Variants in SIAH3 observed in about 807,000 individuals in gnomAD.
The protein encoded by SIAH3 is seven in absentia homolog 3.
Under a neutral mutation model 12.6 loss-of-function variants are expected in SIAH3, and 9 were observed. The ratio of observed to expected loss-of-function variants is 0.72; its 90% confidence interval spans 0.43 to 1.25. The LOEUF (loss-of-function observed/expected upper bound fraction) is 1.25, where lower values mean the gene tolerates loss of function less well. Among genes scored for constraint, SIAH3 ranks in the 50% most tolerant of loss-of-function variants. The probability of loss-of-function intolerance (pLI) is 0.00; values close to 1 mark genes in which losing one functional copy is unlikely to be tolerated. For synonymous variants in SIAH3, 154 were observed against 151.1 expected (o/e 1.02, Z -0.14); for missense variants, 390 against 365.4 (o/e 1.07, Z -0.55).
chr13:45,785,958 A>G (rs1950526532), intron 1 of SIAH3, among the ~76,000 whole-genome samples: 1 of 152,262 alleles, frequency 6.6e-6, no homozygotes, highest in African/African-American at 2.4e-5. Context: ...AGTATGTAGC[A>G]TCTACTAAGT....
Position 45,783,547 on chromosome 13 carries a change from C to T in SIAH3, c.646G>A (p.Ala216Thr), listed in dbSNP as rs1248393161. ...NRNHRRLKWE[A>T]TPRSVLECVD... ...CACTCAAGAACAGACCGGGGCGTGG[C>T]CTCCCACTTGAGGCGCCGATGGTTT... The change falls in exon 2 of 2, where the codon GCC (alanine) becomes ACC (threonine). Residue 216 changes from alanine to threonine, a missense_variant. Ala to Thr is a moderately conservative substitution (Grantham distance 58). Transcript: ENST00000400405. 3 of 1,614,104 alleles carry T rather than the reference C, an allele frequency of 1.9e-6. No individual in the cohort carries two copies. The Admixed American group carries it at 5.0e-5, about 27-fold the overall frequency.
intron 1 of SIAH3, among the ~76,000 whole-genome samples, chr13:45,834,878 C>T (rs973347192): frequency 3.3e-5 from 5 of 152,166 alleles, no homozygotes; most frequent in Non-Finnish European, 7.3e-5. Flanking sequence ...AATCATAGCT[C>T]TATCTCACAG....
chr13:45,796,636 C>T (rs1950563704), intron 1 of SIAH3, among the ~76,000 whole-genome samples: 1 of 152,238 alleles, frequency 6.6e-6, no homozygotes, highest in African/African-American at 2.4e-5. Flanking sequence ...CCCTTTGCTC[C>T]TAGAGGCAGA....
intron 1 of SIAH3, among the ~76,000 whole-genome samples, chr13:45,835,284 T>C (rs1950713935): frequency 6.6e-6 from 1 of 152,214 alleles, no homozygotes; most frequent in Non-Finnish European, 1.5e-5. Context: ...AGTCTTCAGA[T>C]TATCAACTAC....
chr13:45,784,097 C>T, intron 1 of SIAH3, 40 bp from the exon 2 acceptor site: 1 of 1,518,220 alleles, frequency 6.6e-7, no homozygotes, highest in South Asian at 1.3e-5. Flanking sequence ...GGGATGAGGC[C>T]CACTCTCCCA....
chr13:45,802,527 T>C (rs1950585851), intron 1 of SIAH3, among the ~76,000 whole-genome samples: 1 of 152,102 alleles, frequency 6.6e-6, no homozygotes, highest in African/African-American at 2.4e-5. Context: ...ATATTTACGA[T>C]GATTTTCAGC....
chr13:45,808,704 C>A (rs547942855), intron 1 of SIAH3, among the ~76,000 whole-genome samples: 1 of 54,004 alleles, frequency 1.9e-5, no homozygotes, highest in Non-Finnish European at 3.4e-5. Flanking sequence ...TCCATATGTA[C>A]GTGCATACTT....
At chr13:45,789,458 ATGCAGCGACGTGATCTCGGCTCAC>A (rs1483967310) in intron 1 of SIAH3, among the ~76,000 whole-genome samples, 1 of 152,028 alleles carries the variant, frequency 6.6e-6, no homozygotes, top group African/African-American at 2.4e-5. Context: ...CCAGGCTGGA[ATGCAGCGACGTGATCTCGGCTCAC>A]TGCAACCTCC....
At chr13:45,801,704 T>TGAA (rs905273901) in intron 1 of SIAH3, among the ~76,000 whole-genome samples, 2 of 152,210 alleles carry the variant, frequency 1.3e-5, no homozygotes, top group African/African-American at 2.4e-5. Context: ...ACTATTACCT[T>TGAA]GAACCATCAT....
intron 1 of SIAH3, among the ~76,000 whole-genome samples, chr13:45,791,301 T>A: frequency 6.6e-6 from 1 of 152,226 alleles, no homozygotes. Context: ...TGACATGTAG[T>A]AGACTCTCAA....
chr13:45,819,243 T>C (rs1950646385), intron 1 of SIAH3, among the ~76,000 whole-genome samples: 1 of 152,260 alleles, frequency 6.6e-6, no homozygotes, highest in African/African-American at 2.4e-5. Context: ...ATTGCTTTAA[T>C]ATAGCAACAC....
intron 1 of SIAH3, among the ~76,000 whole-genome samples, chr13:45,838,491 G>T (rs570476377): frequency 6.6e-6 from 1 of 152,278 alleles, no homozygotes; most frequent in South Asian, 2.1e-4. Flanking sequence ...GGCTCGCACA[G>T]GGCACGGGGG....
At position 45,783,288 on chromosome 13, in the gene SIAH3, AGG is replaced by A; in HGVS notation, c.*93_*94del. On this transcript the variant is annotated 3_prime_UTR_variant, in exon 2 of 2. Coordinates refer to ENST00000400405, the MANE Select transcript of SIAH3 (RefSeq NM_198849.3). ...TAAAAATTAAAAAAAAAAAAAAGAAAGGAGAAGAATAAAAAGGAGTCTGGAGT... is the reference window on the plus strand; with the variant it reads ...TAAAAATTAAAAAAAAAAAAAAGAAAAGAAGAATAAAAAGGAGTCTGGAGT... The A allele has an allele frequency of 1.3e-6, 1 of 793,536 alleles. No individual in the cohort carries two copies. The highest frequency in any genetic ancestry group is 1.8e-6 in the Non-Finnish European group (1 of 550,262). 49.2% of individuals were successfully genotyped at this position (793,536 alleles called of 1,614,324 possible). A position where few individuals can be genotyped will look rare whatever the true frequency, so the allele number is the denominator to read the frequency against.
chr13:45,836,702 G>A (rs1950719110), intron 1 of SIAH3, among the ~76,000 whole-genome samples: 1 of 151,980 alleles, frequency 6.6e-6, no homozygotes, highest in Non-Finnish European at 1.5e-5. Flanking sequence ...GATGATCTGT[G>A]CAGTAAACCA....
intron 1 of SIAH3, among the ~76,000 whole-genome samples, chr13:45,813,296 A>G (rs1469749035): frequency 6.6e-6 from 1 of 152,236 alleles, no homozygotes; most frequent in Non-Finnish European, 1.5e-5. Flanking sequence ...TGATGCTGTC[A>G]TGCAGTTGAA....
intron 1 of SIAH3, among the ~76,000 whole-genome samples, chr13:45,814,280 T>C (rs1242247118): frequency 6.7e-6 from 1 of 148,352 alleles, no homozygotes; most frequent in African/African-American, 2.5e-5. Flanking sequence ...ATAACACTCA[T>C]GCATCTATTC....
intron 1 of SIAH3, among the ~76,000 whole-genome samples, chr13:45,829,690 A>G (rs1345586318): frequency 1.3e-5 from 2 of 152,162 alleles, no homozygotes; most frequent in Non-Finnish European, 2.9e-5. Context: ...GCCCCCAGAG[A>G]TAACCCCTGT....
chr13:45,834,027 G>GA (rs1288294720), intron 1 of SIAH3, among the ~76,000 whole-genome samples: 5 of 151,370 alleles, frequency 3.3e-5, no homozygotes, highest in Non-Finnish European at 1.5e-5. Flanking sequence ...AAAAGAAGGG[G>GA]AAAAAAAAGC....
At chr13:45,836,259 T>A (rs1157480114) in intron 1 of SIAH3, among the ~76,000 whole-genome samples, 2 of 152,232 alleles carry the variant, frequency 1.3e-5, no homozygotes, top group Admixed American at 6.5e-5. Flanking sequence ...CATGCATGCA[T>A]ATGTTCATTG....
Sources: allele counts gnomAD v4.1 joint callset (sites outside exome capture counted in the v4.1 genomes callset), GRCh38; gene constraint gnomAD v4.1.1; transcripts MANE v1.5; gene names NCBI Gene and HGNC (gene_info 2026-07-23, HGNC 2026-07-21).